Variants in DNM1L observed in about 807,000 individuals in gnomAD.
The protein encoded by DNM1L is dynamin-1-like protein.
DNM1L carries 33 observed loss-of-function variants against 92.8 expected under a neutral mutation model. The observed-to-expected ratio is 0.36, with a 90% confidence interval of 0.27 to 0.48. The LOEUF (loss-of-function observed/expected upper bound fraction) is 0.48, where lower values mean the gene tolerates loss of function less well. DNM1L is among the 20% of genes least tolerant of loss of function. DNM1L has a pLI of 0.99. For synonymous variants in DNM1L, 284 were observed against 305.0 expected (o/e 0.93, Z 0.72); for missense variants, 485 against 888.8 (o/e 0.55, Z 5.78).
rs928348060 is a variant in DNM1L at position 32,696,402 on chromosome 12, A to T, written c.103-5013A>T. 1.3e-4 allele frequency among the ~76,000 whole-genome samples: 20 copies of T among 151,182 alleles called. No individual in the cohort carries two copies. The South Asian group carries it at 3.4e-3, about 25-fold the overall frequency. On this transcript the variant is annotated intron_variant, in intron 1 of 19. Coordinates refer to ENST00000549701, the MANE Select transcript of DNM1L (RefSeq NM_012062.5). ...CACACAAACACACACACACACACAC[A>T]CACACACACACACAATATAGTGAGA...
chr12:32,739,940 A>C lies in DNM1L; in HGVS notation c.1708-124A>C, dbSNP rs115559726. 5.6e-3 allele frequency: 6,948 copies of C among 1,240,766 alleles called. 108 individuals are homozygous for C. Among genetic ancestry groups the C allele is most frequent in the African/African-American group, 0.037 (2,462 of 67,230 alleles). The allele number at this position is 1,240,766 out of a possible 1,614,324, so 76.9% of individuals were successfully genotyped here. A position where few individuals can be genotyped will look rare whatever the true frequency, so the allele number is the denominator to read the frequency against. ...CCTAGTGTCTCCTTCTGACCTCATT[A>C]TCTGTCTGAATAAACTTCAGATGGG... On this transcript the variant is annotated intron_variant, in intron 16 of 19. Coordinates refer to ENST00000549701, the MANE Select transcript of DNM1L (RefSeq NM_012062.5).
intron 6 of DNM1L, 75 bp downstream of exon 6, chr12:32,713,446 CT>C: frequency 1.3e-6 from 2 of 1,503,564 alleles, no homozygotes; most frequent in Non-Finnish European, 9.2e-7. Flanking sequence ...GAATTTTTCT[CT>C]TTAAAAACAG....
chr12:32,710,280 G>T (rs186384340), intron 4 of DNM1L, among the ~76,000 whole-genome samples: 4 of 152,232 alleles, frequency 2.6e-5, no homozygotes, highest in African/African-American at 9.6e-5. Context: ...CAAAGATCAG[G>T]AACCAGGCTG....
Position 32,740,114 on chromosome 12 carries a change from A to G in DNM1L, c.1758A>G (p.Thr586=), listed in dbSNP as rs2137588713. 1 of 1,614,206 alleles carries G rather than the reference A, an allele frequency of 6.2e-7. No individual in the cohort carries two copies. Among genetic ancestry groups the G allele is most frequent in the South Asian group, 1.1e-5 (1 of 91,078 alleles). The stretch of plus-strand genomic sequence containing the variant: ...GAGATGGTGTTCAAGAACCAACCAC[A>G]GGCAACTGGAGAGGAATGCTGAAAA... ...GVGDGVQEPT[T]GNWRGMLKTS... The change falls in exon 17 of 20, where the codon ACA becomes ACG. Residue 586 remains threonine, a synonymous_variant. Transcript: ENST00000549701.
intron 16 of DNM1L, among the ~76,000 whole-genome samples, chr12:32,739,683 G>GA (rs1187898780): frequency 3.3e-5 from 5 of 152,164 alleles, no homozygotes; most frequent in African/African-American, 1.2e-4. Flanking sequence ...AAATTAAACT[G>GA]AATAGCAGTT....
chr12:32,699,021 TA>T (rs199972506), intron 1 of DNM1L, among the ~76,000 whole-genome samples: 650 of 142,452 alleles, frequency 4.6e-3, no homozygotes, highest in East Asian at 0.013. Context: ...CCCCATCTCT[TA>T]AAAAAAAAAA....
chr12:32,711,034 T>G lies in DNM1L; in HGVS notation c.456+19T>G, dbSNP rs753693837. The G allele has an allele frequency of 1.2e-6, 2 of 1,609,116 alleles. No individual in the cohort carries two copies. The highest frequency in any genetic ancestry group is 2.2e-5 in the South Asian group (2 of 90,990). ...GACCAAGGTAAGGAAGGAATAGTTG[T>G]AGATTTGGTCAGGTTGTTTTCACTT... is the stretch of plus-strand genomic sequence containing the variant. On this transcript the variant is annotated intron_variant, in intron 5 of 19. Coordinates refer to ENST00000549701, the MANE Select transcript of DNM1L (RefSeq NM_012062.5).
At chr12:32,707,328 T>A (rs1952963873) in intron 2 of DNM1L, 39 bp from the exon 3 acceptor site, 1 of 1,543,344 alleles carries the variant, frequency 6.5e-7, no homozygotes, top group African/African-American at 1.4e-5. Context: ...AAAAAGTAGT[T>A]TCCATAGTTT....
At chr12:32,738,000 T>G in intron 15 of DNM1L, 58 bp downstream of exon 15, 1 of 1,552,442 alleles carries the variant, frequency 6.4e-7, no homozygotes, top group Non-Finnish European at 8.9e-7. Context: ...CAACATAATC[T>G]TCTGGAAACA....
Position 32,741,747 on chromosome 12 carries a change from T to C in DNM1L, c.1995-842T>C, listed in dbSNP as rs77535341. Among the ~76,000 whole-genome samples, 219 of 152,340 alleles carry C rather than the reference T, an allele frequency of 1.4e-3. 3 individuals carry two copies. In the East Asian group the frequency reaches 0.038, roughly 26 times the overall value. ...CCTATGTTTAGATACACAAATACTA[T>C]TGTGTTACAGTTCCCTATTCAGTAC... On this transcript the variant is annotated intron_variant, in intron 18 of 19. Coordinates refer to ENST00000549701, the MANE Select transcript of DNM1L (RefSeq NM_012062.5).
At chr12:32,727,405 A>G (rs1302236406) in intron 9 of DNM1L, 3 of 757,312 alleles carry the variant, frequency 4.0e-6, no homozygotes, top group Middle Eastern at 3.6e-4. Flanking sequence ...AGTGGCTACT[A>G]TGAGAAGCCA....
At chr12:32,704,292 G>A (rs1952830656) in intron 2 of DNM1L, among the ~76,000 whole-genome samples, 1 of 152,166 alleles carries the variant, frequency 6.6e-6, no homozygotes. Flanking sequence ...GCTCACGCCT[G>A]TAATCCTAGC....
chr12:32,722,935 CT>C (rs1371037664), intron 9 of DNM1L, among the ~76,000 whole-genome samples: 1 of 151,312 alleles, frequency 6.6e-6, no homozygotes, highest in African/African-American at 2.4e-5. Context: ...AATAATTTAG[CT>C]TTTAAAGTGT....
At chr12:32,691,788 G>A (rs1197258769) in intron 1 of DNM1L, among the ~76,000 whole-genome samples, 1 of 152,180 alleles carries the variant, frequency 6.6e-6, no homozygotes, top group Non-Finnish European at 1.5e-5. Context: ...AGCACTTGGA[G>A]CAGATGAGGA....
At chr12:32,722,149 C>A (rs1449379733) in intron 8 of DNM1L, among the ~76,000 whole-genome samples, 1 of 152,116 alleles carries the variant, frequency 6.6e-6, no homozygotes, top group Non-Finnish European at 1.5e-5. Flanking sequence ...GTTCTGGTGA[C>A]CAGCTCCCAT....
chr12:32,740,021 C>A, intron 16 of DNM1L, 43 bp from the exon 17 acceptor site: 2 of 1,603,556 alleles, frequency 1.2e-6, no homozygotes, highest in South Asian at 2.3e-5. Context: ...TAGTTAAGGT[C>A]AGATATGATG....
At chr12:32,690,209 T>C (rs894154223) in intron 1 of DNM1L, among the ~76,000 whole-genome samples, 1 of 152,224 alleles carries the variant, frequency 6.6e-6, no homozygotes, top group Admixed American at 6.5e-5. Flanking sequence ...AGGTAAAACA[T>C]TGGGAGCCCA....
intron 1 of DNM1L, among the ~76,000 whole-genome samples, chr12:32,700,998 C>T (rs150768167): frequency 2.2e-3 from 339 of 152,146 alleles, no homozygotes; most frequent in African/African-American, 7.6e-3. Context: ...AGTCTGTGGC[C>T]GGGCATGGTG....
Position 32,743,497 on chromosome 12 carries a change from T to C in DNM1L, c.*87T>C. ...GTAGAATCTTATTTATGAACTCCTGTGTATTGCAATGGTATGAATCTGCTC... is the reference window on the plus strand; with the variant it reads ...GTAGAATCTTATTTATGAACTCCTGCGTATTGCAATGGTATGAATCTGCTC... On this transcript the variant is annotated 3_prime_UTR_variant, in exon 20 of 20. Coordinates refer to ENST00000549701, the MANE Select transcript of DNM1L (RefSeq NM_012062.5). The C allele has an allele frequency of 1.6e-6, 2 of 1,261,590 alleles. No individual in the cohort carries two copies. Among genetic ancestry groups the C allele is most frequent in the Non-Finnish European group, 1.2e-6 (1 of 868,830 alleles). 78.1% of individuals were successfully genotyped at this position (1,261,590 alleles called of 1,614,324 possible).
Sources: gnomAD v4.1 joint callset for allele counts (sites outside exome capture counted in the v4.1 genomes callset) on GRCh38, gnomAD v4.1.1 for gene constraint, MANE v1.5 for transcripts, NCBI Gene and HGNC (gene_info 2026-07-23, HGNC 2026-07-21) for gene names.